ARFGEF2: variants seen among roughly 807,000 people sequenced by gnomAD.
ARFGEF2 encodes ARF guanine nucleotide exchange factor 2.
Under a neutral mutation model 219.9 loss-of-function variants are expected in ARFGEF2, and 74 were observed. The ratio of observed to expected loss-of-function variants is 0.34; its 90% CI spans 0.28 to 0.41. The LOEUF (loss-of-function observed/expected upper bound fraction) is 0.41, where lower values mean the gene tolerates loss of function less well. Among genes scored for constraint, ARFGEF2 ranks in the 10% least tolerant of loss-of-function variants. The pLI, the probability that ARFGEF2 is intolerant of heterozygous loss-of-function variation, is 1.00. For missense variants in ARFGEF2, 1,743 were observed against 2,218.3 expected (o/e 0.79, Z 4.30); for synonymous variants, 733 against 799.2 (o/e 0.92, Z 1.40).
chr20:48,971,314 T>C lies in ARFGEF2; in HGVS notation c.1385T>C (p.Leu462Pro), dbSNP rs2091226383. 1 of 1,614,098 alleles carries C rather than the reference T, an allele frequency of 6.2e-7. No individual in the cohort carries two copies. Among genetic ancestry groups the C allele is most frequent in the Non-Finnish European group, 8.5e-7 (1 of 1,180,050 alleles). ...CTCTCTCTTGCCATTTTTCTTACTC[T>C]TCTTTCAAACTTTAAAATGCACTTG... is the stretch of plus-strand genomic sequence containing the variant. ...FELSLAIFLT[L>P]LSNFKMHLKM... The change falls in exon 10 of 39, where the codon CTT (leucine) becomes CCT (proline). Residue 462 changes from leucine to proline, a missense_variant. By Grantham distance (98) the Leu-to-Pro change is moderately conservative (BLOSUM62 -3). Transcript: ENST00000371917.
At chr20:49,001,211 T>C (rs192357643) in intron 25 of ARFGEF2, among the ~76,000 whole-genome samples, 7 of 152,102 alleles carry the variant, frequency 4.6e-5, no homozygotes, top group Non-Finnish European at 8.8e-5. Context: ...AGCTAATTTT[T>C]GTATTTTCAG....
At chr20:48,975,800 CAA>C (rs1057511883) in intron 13 of ARFGEF2, among the ~76,000 whole-genome samples, 4 of 112,208 alleles carry the variant, frequency 3.6e-5, no homozygotes, top group Non-Finnish European at 3.4e-5. Flanking sequence ...GACTCCATCT[CAA>C]AAAAAAAAAA....
intron 20 of ARFGEF2, among the ~76,000 whole-genome samples, chr20:48,990,241 C>T (rs2091350065): frequency 6.6e-6 from 1 of 152,086 alleles, no homozygotes; most frequent in African/African-American, 2.4e-5. Flanking sequence ...TTTGACAAAG[C>T]AGACTTCGTG....
intron 25 of ARFGEF2, among the ~76,000 whole-genome samples, chr20:49,001,471 G>A (rs6066942): frequency 3.3e-5 from 5 of 152,182 alleles, no homozygotes; most frequent in African/African-American, 1.2e-4. Context: ...TTAGCCCTCA[G>A]GTTGCTGGCA....
chr20:49,034,383 A>G lies in ARFGEF2; in HGVS notation c.*1184A>G, dbSNP rs974735979. 1 of 152,192 alleles carries G rather than the reference A, an allele frequency of 6.6e-6. No homozygotes were observed. The highest frequency in any genetic ancestry group is 1.5e-5 in the Non-Finnish European group (1 of 68,050). The allele number at this position is 152,192 out of a possible 1,614,324, so 9.4% of individuals were successfully genotyped here. ...AAGGTTGGATTCTGAGGTCCTTATT[A>G]TGTTAATGATGGTGCAATACTCTCA... On this transcript the variant is annotated 3_prime_UTR_variant, in exon 39 of 39. Transcript: ENST00000371917.
At position 48,958,820 on chromosome 20, in the gene ARFGEF2, T is replaced by G. The variant is rs371618120; in HGVS notation, c.839-5010T>G. ...CTTGACAGACATGTTACTTTCCTGC[T>G]TACTGTGTAGTAACAACAGTGGTCC... On this transcript the variant is annotated intron_variant, in intron 6 of 38. Coordinates refer to ENST00000371917, the MANE Select transcript of ARFGEF2 (RefSeq NM_006420.3). Among the ~76,000 whole-genome samples the G allele has an allele frequency of 2.7e-4, 41 of 152,276 alleles. No individual in the cohort carries two copies. The East Asian group carries it at 6.0e-3, about 22-fold the overall frequency.
At chr20:48,984,703 T>G (rs1283212333) in intron 14 of ARFGEF2, 26 bp from the exon 15 acceptor site, 1 of 1,613,998 alleles carries the variant, frequency 6.2e-7, no homozygotes, top group East Asian at 2.2e-5. Flanking sequence ...AATAAGCAAC[T>G]TGTGTCCCAT....
chr20:48,969,892 A>C (rs549373849), intron 9 of ARFGEF2, among the ~76,000 whole-genome samples: 1 of 152,360 alleles, frequency 6.6e-6, no homozygotes, highest in African/African-American at 2.4e-5. Flanking sequence ...GATTGATTAA[A>C]TGAAATATCG....
At chr20:48,987,129 A>G (rs1229585251) in intron 16 of ARFGEF2, among the ~76,000 whole-genome samples, 1 of 152,232 alleles carries the variant, frequency 6.6e-6, no homozygotes, top group African/African-American at 2.4e-5. Context: ...GCAGCATATC[A>G]TCATTTTAAC....
intron 1 of ARFGEF2, 44 bp downstream of exon 1, chr20:48,922,054 G>C: frequency 1.3e-6 from 2 of 1,549,748 alleles, no homozygotes; most frequent in Non-Finnish European, 1.7e-6. Context: ...GCCTCAGCAC[G>C]TCGGCCGTTG....
chr20:49,025,185 G>T, intron 35 of ARFGEF2, 128 bp from the exon 36 acceptor site: 1 of 943,296 alleles, frequency 1.1e-6, no homozygotes. Context: ...TCAGGGTGTT[G>T]GGGAATAAGT....
At chr20:48,946,302 G>A (rs140012126) in intron 3 of ARFGEF2, among the ~76,000 whole-genome samples, 62 of 152,218 alleles carry the variant, frequency 4.1e-4, no homozygotes, top group African/African-American at 1.4e-3. Context: ...GGAGAAGCCT[G>A]GAGACTTCCC....
chr20:48,991,756 T>C (rs2091358745), intron 21 of ARFGEF2, among the ~76,000 whole-genome samples: 1 of 152,180 alleles, frequency 6.6e-6, no homozygotes, highest in African/African-American at 2.4e-5. Context: ...GTCCCAACAA[T>C]ATAAGAGATT....
At chr20:49,032,012 ATT>A in intron 37 of ARFGEF2, 35 bp from the exon 38 acceptor site, 1 of 1,350,974 alleles carries the variant, frequency 7.4e-7, no homozygotes. Context: ...ATGTTAATCA[ATT>A]GTTTGATATG....
chr20:48,963,915 A>G lies in ARFGEF2; in HGVS notation c.907+17A>G, dbSNP rs139138817. 3.5e-5 allele frequency: 57 copies of G among 1,612,872 alleles called. No homozygotes were observed. The African/African-American group carries it at 7.1e-4, about 20-fold the overall frequency. On this transcript the variant is annotated intron_variant, in intron 7 of 38. Transcript: ENST00000371917. ...CCATTAAAGGTAAGAACCAAGGACA[A>G]CCCAGCCTTTCCTCTTCCCTCATTC...
intron 34 of ARFGEF2, among the ~76,000 whole-genome samples, chr20:49,020,833 G>A (rs1056391997): frequency 3.3e-5 from 5 of 152,034 alleles, no homozygotes; most frequent in African/African-American, 7.3e-5. Flanking sequence ...AGCACTCTCC[G>A]TGCAGTGAGA....
chr20:48,951,524 G>A lies in ARFGEF2; in HGVS notation c.423+55G>A. Reference sequence around the variant, plus strand: ...TTAAATTAGAAAGCAAGTCCCTGTGGGAATCTGGATTTCTAATTTACTATG... The same window carrying A: ...TTAAATTAGAAAGCAAGTCCCTGTGAGAATCTGGATTTCTAATTTACTATG... On this transcript the variant is annotated intron_variant, in intron 4 of 38. Transcript: ENST00000371917. The A allele has an allele frequency of 1.9e-6, 3 of 1,610,438 alleles. No homozygotes were observed. The Admixed American group carries it at 5.0e-5, about 27-fold the overall frequency.
At chr20:48,937,505 C>T (rs933306514) in intron 1 of ARFGEF2, among the ~76,000 whole-genome samples, 1 of 152,226 alleles carries the variant, frequency 6.6e-6, no homozygotes, top group South Asian at 2.1e-4. Context: ...ACCTCAGCCT[C>T]CCAAAGTGCT....
rs147041634 is a variant in ARFGEF2, at chr20:48,966,054, T to C, written c.1059+31T>C. ...TTGGTGATCATCCTCTGTGGACTTA[T>C]TGCCATTTTTACTTTTTCAAAAGAT... is the stretch of plus-strand genomic sequence containing the variant. On this transcript the variant is annotated intron_variant, in intron 8 of 38. Transcript: ENST00000371917. 1,390 of 1,613,592 alleles carry C rather than the reference T, an allele frequency of 8.6e-4. 4 individuals carry two copies. In the Middle Eastern group the frequency reaches 9.7e-3, roughly 11 times the overall value.
Sources: allele counts gnomAD v4.1 joint callset (sites outside exome capture counted in the v4.1 genomes callset), GRCh38; gene constraint gnomAD v4.1.1; transcripts MANE v1.5; gene names NCBI Gene and HGNC (gene_info 2026-07-23, HGNC 2026-07-21).